Variants in SYT2 observed in about 807,000 individuals in gnomAD.
The protein encoded by SYT2 is synaptotagmin 2.
Under a neutral mutation model 39.9 loss-of-function variants are expected in SYT2, and 15 were observed. That is an observed-to-expected ratio of 0.38 (90% confidence interval 0.25 to 0.58). The LOEUF (loss-of-function observed/expected upper bound fraction) is 0.58. Ranked by LOEUF, SYT2 falls within the 20% of genes least tolerant of loss-of-function variation. SYT2 has a pLI of 0.70. For missense variants in SYT2, 389 were observed against 530.3 expected, an observed-to-expected ratio of 0.73 and a Z score of 2.62; for synonymous variants, 181 against 204.5, an observed-to-expected ratio of 0.89 and a Z score of 0.98.
At chr1:202,678,508 T>C (rs547639059) in intron 1 of SYT2, among the ~76,000 whole-genome samples, 12 of 152,036 alleles carry the variant, frequency 7.9e-5, no homozygotes, top group Non-Finnish European at 1.8e-4. Context: ...GCTCACCCAG[T>C]GCCCCTCCCT....
At chr1:202,627,304 G>T (rs1230002801) in intron 1 of SYT2, among the ~76,000 whole-genome samples, 1 of 152,220 alleles carries the variant, frequency 6.6e-6, no homozygotes, top group Non-Finnish European at 1.5e-5. Flanking sequence ...TTTCCTGCCA[G>T]CTCCCAGAGG....
chr1:202,669,662 G>A (rs6662082), intron 1 of SYT2, among the ~76,000 whole-genome samples: 80,416 of 151,014 alleles, frequency 0.53, 23,825 homozygotes, highest in East Asian at 0.79. Context: ...AGAGGCTGAC[G>A]TGGGAGGATC....
At chr1:202,661,768 T>C (rs902609386) in intron 1 of SYT2, among the ~76,000 whole-genome samples, 5 of 152,244 alleles carry the variant, frequency 3.3e-5, no homozygotes, top group East Asian at 3.8e-4. Context: ...TCGAAATTCA[T>C]TGGATCCAAT....
intron 1 of SYT2, among the ~76,000 whole-genome samples, chr1:202,626,193 G>T (rs1572636544): frequency 1.3e-5 from 2 of 152,136 alleles, no homozygotes; most frequent in Middle Eastern, 3.4e-3. Flanking sequence ...TACGATGCGG[G>T]TCACCTTACA....
intron 1 of SYT2, among the ~76,000 whole-genome samples, chr1:202,648,044 C>T (rs1692123011): frequency 6.6e-6 from 1 of 152,220 alleles, no homozygotes; most frequent in African/African-American, 2.4e-5. Flanking sequence ...GCACTTCACA[C>T]CCTATGTCTC....
intron 1 of SYT2, among the ~76,000 whole-genome samples, chr1:202,647,608 G>A (rs183923002): frequency 6.6e-6 from 1 of 152,328 alleles, no homozygotes; most frequent in Admixed American, 6.5e-5. Flanking sequence ...GGAGAAAGAG[G>A]GGAAGGGAGA....
chr1:202,657,336 A>C (rs1329624151), intron 1 of SYT2, among the ~76,000 whole-genome samples: 1 of 152,182 alleles, frequency 6.6e-6, no homozygotes, highest in African/African-American at 2.4e-5. Context: ...CCAAGACCCA[A>C]AGTGGGCCTC....
At chr1:202,615,047 C>T (rs1413144925) in intron 1 of SYT2, among the ~76,000 whole-genome samples, 1 of 152,078 alleles carries the variant, frequency 6.6e-6, no homozygotes, top group East Asian at 1.9e-4. Context: ...CAGAGGAAAG[C>T]GGGGAAAGAG....
intron 1 of SYT2, among the ~76,000 whole-genome samples, chr1:202,679,328 A>T (rs184258080): frequency 6.6e-6 from 1 of 152,158 alleles, no homozygotes; most frequent in Non-Finnish European, 1.5e-5. Context: ...CACCAATTGC[A>T]GCTGTTTATT....
chr1:202,671,198 G>T (rs978622978), intron 1 of SYT2, among the ~76,000 whole-genome samples: 4 of 152,164 alleles, frequency 2.6e-5, no homozygotes, highest in Admixed American at 2.6e-4. Flanking sequence ...TTTGAGAAAA[G>T]AACTCAAAGA....
In SYT2 at chr1:202,594,699, AGT is replaced by A. The variant is rs1690227484; in HGVS notation, c.*2056_*2057del. ...TCAGAGTCTTACCTTCCCATCATTA[AGT>A]ACACACACACACACACACACACACA... On this transcript the variant is annotated 3_prime_UTR_variant, in exon 9 of 9. Transcript: ENST00000367268. 2.6e-5 allele frequency: 1 copy of A among 38,054 alleles called. No homozygotes were observed. Among genetic ancestry groups the A allele is most frequent in the Non-Finnish European group, 7.5e-5 (1 of 13,324 alleles). The allele number at this position is 38,054 out of a possible 1,614,324, so 2.4% of individuals were successfully genotyped here.
chr1:202,694,289 C>T (rs1435122183), intron 1 of SYT2, among the ~76,000 whole-genome samples: 1 of 152,238 alleles, frequency 6.6e-6, no homozygotes, highest in African/African-American at 2.4e-5. Context: ...GAGCCCCAGA[C>T]TGGCATTCCT....
Position 202,680,634 on chromosome 1 carries a change from C to A in SYT2, c.-18+29624G>T, listed in dbSNP as rs569661204. Among the ~76,000 whole-genome samples, 10 of 152,308 alleles carry A rather than the reference C, an allele frequency of 6.6e-5. No homozygotes were observed. The South Asian group carries it at 2.1e-3, about 32-fold the overall frequency. On this transcript the variant is annotated intron_variant, in intron 1 of 8. Transcript: ENST00000367268. ...GCCCAAGGGGAGAAAGAGAGAGTTA[C>A]CCCAAATCCTACTTAACCACACAAT...
intron 1 of SYT2, among the ~76,000 whole-genome samples, chr1:202,666,285 C>A (rs1286084329): frequency 6.6e-6 from 1 of 152,132 alleles, no homozygotes. Flanking sequence ...AGTGATCAGA[C>A]AGCTTGACTG....
chr1:202,602,254 C>G, intron 5 of SYT2, 124 bp downstream of exon 5: 2 of 1,268,522 alleles, frequency 1.6e-6, no homozygotes. Flanking sequence ...CGGGGTAGCC[C>G]TGCAGTCAAG....
At chr1:202,650,680 C>T (rs1363443073) in intron 1 of SYT2, among the ~76,000 whole-genome samples, 1 of 152,120 alleles carries the variant, frequency 6.6e-6, no homozygotes, top group Non-Finnish European at 1.5e-5. Context: ...GGACACAATC[C>T]CTGCCCACAA....
At chr1:202,653,573 G>A (rs769323385) in intron 1 of SYT2, among the ~76,000 whole-genome samples, 2 of 151,092 alleles carry the variant, frequency 1.3e-5, no homozygotes, top group Non-Finnish European at 2.9e-5. Flanking sequence ...GAACCTGTAT[G>A]CCCAAAGACC....
At chr1:202,709,689 G>A (rs1028071293) in intron 1 of SYT2, among the ~76,000 whole-genome samples, 1 of 152,056 alleles carries the variant, frequency 6.6e-6, no homozygotes, top group Non-Finnish European at 1.5e-5. Flanking sequence ...CCAGCTCCTC[G>A]TGCCCGTTGC....
chr1:202,677,815 G>C (rs1653415044), intron 1 of SYT2, among the ~76,000 whole-genome samples: 1 of 152,174 alleles, frequency 6.6e-6, no homozygotes, highest in Non-Finnish European at 1.5e-5. Flanking sequence ...TGAGGAAGTG[G>C]ATAAGGAGTA....
Sources: gnomAD v4.1 joint callset for allele counts (sites outside exome capture counted in the v4.1 genomes callset) on GRCh38, gnomAD v4.1.1 for gene constraint, MANE v1.5 for transcripts, NCBI Gene and HGNC (gene_info 2026-07-23, HGNC 2026-07-21) for gene names.